C5: variants seen among roughly 807,000 people sequenced by gnomAD.
C5 encodes the protein C3 and PZP-like alpha-2-macroglobulin domain-containing protein 4.
C5 carries 140 observed loss-of-function variants against 218.8 expected under a neutral mutation model. The ratio of observed to expected loss-of-function variants is 0.64; its 90% CI spans 0.56 to 0.74. The LOEUF (loss-of-function observed/expected upper bound fraction) is 0.74, where lower values mean the gene tolerates loss of function less well. Ranked by LOEUF, C5 falls within the 30% of genes least tolerant of loss-of-function variation. C5 has a pLI of 0.00. For synonymous variants in C5, 614 were observed against 682.3 expected, an observed-to-expected ratio of 0.90 and a Z score of 1.56; for missense variants, 1,700 against 1,969.6, an observed-to-expected ratio of 0.86 and a Z score of 2.59.
At chr9:120,972,550 AC>A (rs1369066809) in intron 30 of C5, among the ~76,000 whole-genome samples, 9 of 152,064 alleles carry the variant, frequency 5.9e-5, no homozygotes, top group African/African-American at 1.9e-4. Flanking sequence ...ACCCCAAACC[AC>A]TAGCACCCCA....
At chr9:121,068,843 GT>G in the C5 span, among the ~76,000 whole-genome samples, 1 of 152,138 alleles carries the variant, frequency 6.6e-6, no homozygotes, top group South Asian at 2.1e-4. Context: ...CAGCCAACTG[GT>G]TTTTTGACAA....
chr9:120,995,820 CTTT>C (rs66652956), intron 22 of C5, among the ~76,000 whole-genome samples: 7 of 134,400 alleles, frequency 5.2e-5, no homozygotes, highest in East Asian at 2.1e-4. Flanking sequence ...GAAGTGGATA[CTTT>C]TTTTTTTTTT....
the C5 span, among the ~76,000 whole-genome samples, chr9:121,059,179 A>C: frequency 6.6e-6 from 1 of 152,248 alleles, no homozygotes; most frequent in Non-Finnish European, 1.5e-5. This position sits in a 1 kb window ranked among gnomAD's most constrained non-coding sequence, Gnocchi z 4.1. Flanking sequence ...AGCATGTCCC[A>C]AAAGGCCACT....
intron 1 of C5, among the ~76,000 whole-genome samples, chr9:121,048,575 T>G (rs747926876): frequency 6.6e-6 from 1 of 152,246 alleles, no homozygotes; most frequent in African/African-American, 2.4e-5. Flanking sequence ...GCCAAAATGG[T>G]TGGGGACTGC....
intron 17 of C5, among the ~76,000 whole-genome samples, chr9:121,013,412 T>C (rs1309817534): frequency 6.6e-6 from 1 of 152,062 alleles, no homozygotes. Context: ...TGTATTGTGG[T>C]TGAAACTGAA....
intron 33 of C5, among the ~76,000 whole-genome samples, chr9:120,965,425 C>T (rs1300883753): frequency 1.3e-5 from 2 of 151,960 alleles, no homozygotes; most frequent in African/African-American, 4.8e-5. Flanking sequence ...GAGGCTGAGG[C>T]ACGAGAATGG....
chr9:121,033,252 A>G (rs892303047), intron 5 of C5, among the ~76,000 whole-genome samples: 1 of 152,206 alleles, frequency 6.6e-6, no homozygotes, highest in Admixed American at 6.5e-5. Flanking sequence ...CACCTTAAAG[A>G]GTTTATAAGC....
chr9:120,981,235 T>C (rs1257909368), intron 27 of C5, among the ~76,000 whole-genome samples: 1 of 152,246 alleles, frequency 6.6e-6, no homozygotes, highest in African/African-American at 2.4e-5. Context: ...TTTTGTCTTG[T>C]TAAGCTTCTG....
chr9:121,018,160 T>C, intron 12 of C5, among the ~76,000 whole-genome samples: 1 of 136,672 alleles, frequency 7.3e-6, no homozygotes, highest in East Asian at 2.1e-4. Flanking sequence ...GGCTGAGGCA[T>C]GAGAATTACT....
intron 22 of C5, among the ~76,000 whole-genome samples, chr9:120,992,161 C>T (rs2047081396): frequency 6.6e-6 from 1 of 152,172 alleles, no homozygotes; most frequent in South Asian, 2.1e-4. Context: ...ATGGAAGATG[C>T]TAAAGAAAAA....
At chr9:121,002,941 T>G (rs1332172317) in intron 20 of C5, among the ~76,000 whole-genome samples, 2 of 152,146 alleles carry the variant, frequency 1.3e-5, no homozygotes, top group African/African-American at 4.8e-5. Flanking sequence ...ATGCAAACCC[T>G]GTGAGTAAAT....
chr9:121,015,608 A>G (rs532022709), intron 15 of C5, among the ~76,000 whole-genome samples: 48 of 152,310 alleles, frequency 3.2e-4, no homozygotes, highest in African/African-American at 1.1e-3. Context: ...TCTTTGTGCT[A>G]TATTATTGCA....
At chr9:121,038,092 T>C (rs1005578657) in intron 3 of C5, 141 bp from the exon 4 acceptor site, 7 of 515,792 alleles carry the variant, frequency 1.4e-5, no homozygotes, top group Admixed American at 3.3e-5. Context: ...AAAACAAAAA[T>C]TAGTTTGCAG....
intron 18 of C5, among the ~76,000 whole-genome samples, chr9:121,007,267 G>A (rs1214380610): frequency 2.0e-5 from 3 of 152,216 alleles, no homozygotes; most frequent in African/African-American, 7.2e-5. Flanking sequence ...AAAGATGTTT[G>A]TTGTGAGTAT....
intron 2 of C5, among the ~76,000 whole-genome samples, chr9:121,045,911 A>G (rs566877270): frequency 6.6e-6 from 1 of 152,154 alleles, no homozygotes; most frequent in Non-Finnish European, 1.5e-5. Context: ...AGTATTTTCA[A>G]TTATCTCCAA....
rs141281355 is a variant in C5, at chr9:121,049,417, C to T, written c.65+765G>A. On this transcript the variant is annotated intron_variant, in intron 1 of 40. Transcript: ENST00000223642. ...GTAAAAAGATCACAGATCAGAAATA[C>T]GAGGGTGCTAAAAAAGAATGACATC... 4.2e-4 allele frequency among the ~76,000 whole-genome samples: 64 copies of T among 152,046 alleles called. No homozygotes were observed. In the East Asian group the frequency reaches 5.6e-3, roughly 13 times the overall value.
chr9:121,073,779 G>A, the C5 span, among the ~76,000 whole-genome samples: 1 of 152,100 alleles, frequency 6.6e-6, no homozygotes, highest in Non-Finnish European at 1.5e-5. Context: ...CTCCCAAAGT[G>A]CTGGGATTAC....
chr9:121,057,064 G>C, the C5 span, among the ~76,000 whole-genome samples: 6 of 152,180 alleles, frequency 3.9e-5, no homozygotes, highest in Admixed American at 6.5e-5. Flanking sequence ...TTACAGGCTT[G>C]TGGGATGACA....
intron 29 of C5, among the ~76,000 whole-genome samples, chr9:120,976,203 A>G (rs1481127073): frequency 6.6e-6 from 1 of 152,250 alleles, no homozygotes; most frequent in African/African-American, 2.4e-5. Context: ...CATGTATTAT[A>G]CGACTACATA....
Sources: allele counts gnomAD v4.1 joint callset (sites outside exome capture counted in the v4.1 genomes callset), GRCh38; gene constraint gnomAD v4.1.1; non-coding constraint Gnocchi (gnomAD v3.1); transcripts MANE v1.5; gene names NCBI Gene and HGNC (gene_info 2026-07-23, HGNC 2026-07-21).